The following C12orf56 variants were observed in gnomAD, a reference collection of about 807,000 sequenced individuals.
C12orf56 encodes uncharacterized protein C12orf56.
In C12orf56, 71 loss-of-function variants were observed where a neutral mutation model predicts 69.9. That is an observed-to-expected ratio of 1.02 (90% confidence interval 0.84 to 1.24). The LOEUF (loss-of-function observed/expected upper bound fraction) is 1.24. C12orf56 is among the 50% of genes most tolerant of loss of function. The pLI is 0.00. For synonymous variants in C12orf56, 276 were observed against 274.1 expected, an observed-to-expected ratio of 1.01 and a Z score of -0.07; for missense variants, 732 against 738.5, an observed-to-expected ratio of 0.99 and a Z score of 0.10.
chr12:64,342,590 C>T (rs2039088680), intron 2 of C12orf56, among the ~76,000 whole-genome samples: 1 of 152,158 alleles, frequency 6.6e-6, no homozygotes, highest in South Asian at 2.1e-4. Context: ...CCTGCTTGAG[C>T]CCGTTCACAT....
At chr12:64,327,790 T>C (rs1023622462) in intron 3 of C12orf56, among the ~76,000 whole-genome samples, 6 of 152,236 alleles carry the variant, frequency 3.9e-5, no homozygotes, top group African/African-American at 1.4e-4. Context: ...GTTTTTTTGA[T>C]GTTTGGCTTC....
intron 8 of C12orf56, among the ~76,000 whole-genome samples, chr12:64,281,587 A>G (rs1257747893): frequency 6.6e-6 from 1 of 152,128 alleles, no homozygotes; most frequent in Non-Finnish European, 1.5e-5. Flanking sequence ...AAATAAAAGA[A>G]AAAAGAAAAC....
rs185526667 is a variant in C12orf56, at chr12:64,342,770, G to A, written c.415+10124C>T. ...AAAGCCCAGTAACAGGCCAAGAGCT[G>A]TTTCTCAAAAGGAGGGTAGTTATTT... On this transcript the variant is annotated intron_variant, in intron 2 of 12. Transcript: ENST00000543942. Among the ~76,000 whole-genome samples, 270 of 152,318 alleles carry A rather than the reference G, an allele frequency of 1.8e-3. 1 individual carries two copies. Among genetic ancestry groups the A allele is most frequent in the African/African-American group, 6.3e-3 (263 of 41,582 alleles).
chr12:64,365,330 A>G (rs944141421), intron 1 of C12orf56, among the ~76,000 whole-genome samples: 1 of 151,738 alleles, frequency 6.6e-6, no homozygotes, highest in Non-Finnish European at 1.5e-5. Flanking sequence ...AAGCTCGGCT[A>G]ATTTTTTTGT....
intron 1 of C12orf56, among the ~76,000 whole-genome samples, chr12:64,386,303 T>G (rs1202747197): frequency 1.3e-5 from 2 of 151,568 alleles, no homozygotes; most frequent in African/African-American, 4.8e-5. Context: ...AACTTCCGCC[T>G]CCCGGGTTCA....
chr12:64,312,528 G>C (rs944168731), intron 5 of C12orf56, 151 bp downstream of exon 5: 10 of 548,498 alleles, frequency 1.8e-5, no homozygotes, highest in Non-Finnish European at 2.3e-5. Context: ...AGAATCTCTT[G>C]AGCCCAGGAG....
intron 3 of C12orf56, among the ~76,000 whole-genome samples, chr12:64,319,843 G>C (rs2038747424): frequency 6.6e-6 from 1 of 152,230 alleles, no homozygotes; most frequent in African/African-American, 2.4e-5. Flanking sequence ...GCCAGCAACA[G>C]CTACACTCTT....
chr12:64,296,041 T>C (rs2038360324), intron 6 of C12orf56, among the ~76,000 whole-genome samples: 1 of 152,186 alleles, frequency 6.6e-6, no homozygotes, highest in African/African-American at 2.4e-5. Context: ...CAGAGGAGAC[T>C]GGCATGTGAG....
chr12:64,371,582 G>A (rs2039570752), intron 1 of C12orf56, among the ~76,000 whole-genome samples: 1 of 151,936 alleles, frequency 6.6e-6, no homozygotes, highest in Non-Finnish European at 1.5e-5. Context: ...TGTAATTCCA[G>A]CACTTTGGGA....
chr12:64,296,131 G>A (rs998202597), intron 6 of C12orf56, among the ~76,000 whole-genome samples: 6 of 152,132 alleles, frequency 3.9e-5, no homozygotes, highest in Non-Finnish European at 7.4e-5. Context: ...TTGCTATAAG[G>A]AATACCTAAA....
chr12:64,377,984 T>C (rs185500274), intron 1 of C12orf56, among the ~76,000 whole-genome samples: 68 of 152,324 alleles, frequency 4.5e-4, no homozygotes, highest in Middle Eastern at 6.8e-3. Flanking sequence ...CTTGGGCAAA[T>C]TGCTTAAATT....
At chr12:64,320,295 G>A (rs948071365) in intron 3 of C12orf56, among the ~76,000 whole-genome samples, 2 of 152,038 alleles carry the variant, frequency 1.3e-5, no homozygotes, top group African/African-American at 4.8e-5. Flanking sequence ...TCTTGGAAGC[G>A]GCCTGCCTTC....
At chr12:64,342,553 T>C (rs2039088109) in intron 2 of C12orf56, among the ~76,000 whole-genome samples, 1 of 152,204 alleles carries the variant, frequency 6.6e-6, no homozygotes, top group African/African-American at 2.4e-5. Context: ...AGCCACTTCC[T>C]CATGTAACTT....
intron 7 of C12orf56, among the ~76,000 whole-genome samples, 163 bp from the exon 8 acceptor site, chr12:64,284,916 C>A (rs1363242541): frequency 2.0e-5 from 3 of 152,304 alleles, no homozygotes; most frequent in Admixed American, 2.0e-4. Flanking sequence ...TGGTTAAGTG[C>A]CTACTCTGAC....
chr12:64,308,940 G>GAAAGAAGGAAGAAAGAAAGAAAGA (rs35488127), intron 5 of C12orf56, among the ~76,000 whole-genome samples: 5 of 80,828 alleles, frequency 6.2e-5, no homozygotes, highest in South Asian at 4.7e-4. Context: ...AAGAAAGAAA[G>GAAAGAAGGAAGAAAGAAAGAAAGA]AAGAAAGAAA....
At chr12:64,336,156 A>G (rs968282151) in intron 2 of C12orf56, among the ~76,000 whole-genome samples, 1 of 152,208 alleles carries the variant, frequency 6.6e-6, no homozygotes, top group African/African-American at 2.4e-5. Context: ...AACAGAAAAC[A>G]TACAGCATTA....
chr12:64,354,607 GCCA>G (rs1324491146), intron 1 of C12orf56, among the ~76,000 whole-genome samples: 1 of 151,828 alleles, frequency 6.6e-6, no homozygotes, highest in Non-Finnish European at 1.5e-5. Context: ...ACAAGCGCCT[GCCA>G]CCACGCCTGG....
At chr12:64,359,744 C>T (rs964398107) in intron 1 of C12orf56, among the ~76,000 whole-genome samples, 4 of 152,114 alleles carry the variant, frequency 2.6e-5, no homozygotes, top group Non-Finnish European at 2.9e-5. Context: ...GACAGAGTCT[C>T]GCTCTGTCAC....
At chr12:64,369,225 T>C (rs2039537715) in intron 1 of C12orf56, among the ~76,000 whole-genome samples, 1 of 151,432 alleles carries the variant, frequency 6.6e-6, no homozygotes, top group African/African-American at 2.4e-5. Context: ...TTAGACGGAG[T>C]TTCATTCTGT....
Sources: allele counts gnomAD v4.1 joint callset (sites outside exome capture counted in the v4.1 genomes callset), GRCh38; gene constraint gnomAD v4.1.1; transcripts MANE v1.5; gene names NCBI Gene and HGNC (gene_info 2026-07-23, HGNC 2026-07-21).